The following KDM4C variants were observed in gnomAD, a reference collection of about 807,000 sequenced individuals.
KDM4C encodes lysine-specific demethylase 4C.
KDM4C carries 81 observed loss-of-function variants against 129.3 expected under a neutral mutation model. The ratio of observed to expected loss-of-function variants is 0.63; its 90% CI spans 0.52 to 0.75. The LOEUF is 0.75. Among genes scored for constraint, KDM4C ranks in the 30% least tolerant of loss-of-function variants. The pLI is 0.00. For missense variants in KDM4C, 1,457 were observed against 1,304.0 expected, an observed-to-expected ratio of 1.12 and a Z score of -1.81; for synonymous variants, 573 against 456.1, an observed-to-expected ratio of 1.26 and a Z score of -3.26.
chr9:7,136,929 T>C (rs1841270909), intron 19 of KDM4C, among the ~76,000 whole-genome samples: 1 of 152,224 alleles, frequency 6.6e-6, no homozygotes, highest in Non-Finnish European at 1.5e-5. Flanking sequence ...TCCTCAGAGC[T>C]CTAGCAAGCA....
chr9:6,932,135 G>C (rs1823864596), intron 8 of KDM4C, among the ~76,000 whole-genome samples: 1 of 152,192 alleles, frequency 6.6e-6, no homozygotes, highest in Admixed American at 6.5e-5. Flanking sequence ...TGATTAGAAT[G>C]TCATCAGGCA....
rs1347600701 is a variant in KDM4C at position 6,729,279 on chromosome 9, G to T, written c.49+8282G>T. On this transcript the variant is annotated intron_variant, in intron 1 of 17. Coordinates refer to the KDM4C transcript ENST00000536108. The stretch of plus-strand genomic sequence containing the variant: ...AACAGGGCCAGACGTTGTGGCTTAT[G>T]CCTGCAATCCCAGTACTTTGGGAGG... Among the ~76,000 whole-genome samples the T allele has an allele frequency of 1.9e-4, 24 of 129,038 alleles. 3 individuals carry two copies. The highest frequency in any genetic ancestry group is 8.1e-4 in the African/African-American group (24 of 29,620). The allele number at this position is 129,038 out of a possible 152,430, so 84.7% of individuals were successfully genotyped here. A position where few individuals can be genotyped will look rare whatever the true frequency, so the allele number is the denominator to read the frequency against.
At position 6,758,392 on chromosome 9, in the gene KDM4C, G is replaced by T. The variant is rs1243728171; in HGVS notation, c.-18+189G>T. Among the ~76,000 whole-genome samples the T allele has an allele frequency of 6.6e-6, 1 of 152,138 alleles. No individual in the cohort carries two copies. Among genetic ancestry groups the T allele is most frequent in the Non-Finnish European group, 1.5e-5 (1 of 67,986 alleles). ...GGGGAGGGAGCGGCCGGCCGCGGCC[G>T]CAGGGGAGGGATGCGGGGGCCGGTG... On this transcript the variant is annotated intron_variant, in intron 1 of 21. Transcript: ENST00000381309. The surrounding 1 kb of genome is among the most constrained non-coding windows in gnomAD (Gnocchi z 4.6).
chr9:6,756,665 C>T (rs942651690), upstream of KDM4C, among the ~76,000 whole-genome samples: 7 of 152,134 alleles, frequency 4.6e-5, no homozygotes, highest in African/African-American at 1.7e-4. Flanking sequence ...TGCAGTAAGC[C>T]GAGATAGCGC....
intron 19 of KDM4C, among the ~76,000 whole-genome samples, chr9:7,158,443 G>A (rs559037146): frequency 3.3e-5 from 5 of 151,898 alleles, no homozygotes; most frequent in African/African-American, 1.2e-4. Flanking sequence ...TTAGGGTGTC[G>A]ATTTTTAGAT....
intron 1 of KDM4C, among the ~76,000 whole-genome samples, chr9:6,761,970 T>C (rs1164409009): frequency 6.6e-6 from 1 of 151,818 alleles, no homozygotes; most frequent in Admixed American, 6.6e-5. Flanking sequence ...CTAATTTTTT[T>C]CGTATTTTTA....
intron 17 of KDM4C, among the ~76,000 whole-genome samples, chr9:7,082,819 T>G (rs550117466): frequency 1.3e-5 from 2 of 152,212 alleles, no homozygotes; most frequent in African/African-American, 4.8e-5. Context: ...AAGGGACTTA[T>G]GCCTTTTGTT....
Position 6,981,089 on chromosome 9 carries a change from G to C in KDM4C, c.1086G>C (p.Arg362Ser), listed in dbSNP as rs754577683. 1 of 1,612,482 alleles carries C rather than the reference G, an allele frequency of 6.2e-7. No homozygotes were observed. Among genetic ancestry groups the C allele is most frequent in the East Asian group, 2.2e-5 (1 of 44,850 alleles). The change falls in exon 9 of 22, where the codon AGG becomes AGC. Residue 362 changes from arginine (R) to serine (S), a missense_variant. Transcript: ENST00000381309. ...STPEVKAWLQ[R>S]RRKVRKASRS... is the part of the protein sequence containing the mutation. ...CTGAAGTAAAAGCATGGCTGCAGAG[G>C]AGGAGGAAAGTAAGAAAAGCATCCC... is the stretch of plus-strand genomic sequence containing the variant.
chr9:6,860,153 T>C (rs1297763438), intron 5 of KDM4C, among the ~76,000 whole-genome samples: 1 of 152,120 alleles, frequency 6.6e-6, no homozygotes, highest in African/African-American at 2.4e-5. Flanking sequence ...AGGGCTGTAA[T>C]GTGGCTAGAT....
chr9:7,153,962 G>A lies in KDM4C; in HGVS notation c.2782-11276G>A, dbSNP rs114043901. Among the ~76,000 whole-genome samples the A allele has an allele frequency of 6.3e-3, 955 of 152,280 alleles. 13 individuals carry two copies. Among genetic ancestry groups the A allele is most frequent in the African/African-American group, 0.022 (907 of 41,542 alleles). ...TGTGGGTGCTGCTGCTGCTGCTGCT[G>A]TCTGAGAGAATTCTCTCTTCTACTT... On this transcript the variant is annotated intron_variant, in intron 19 of 21. Coordinates refer to ENST00000381309, the MANE Select transcript of KDM4C (RefSeq NM_015061.6).
chr9:7,122,257 A>ACT (rs1177380751), intron 18 of KDM4C, among the ~76,000 whole-genome samples: 4,713 of 105,770 alleles, frequency 0.045, 280 homozygotes, highest in East Asian at 0.27. Flanking sequence ...ACACACACAC[A>ACT]CACACACACT....
chr9:6,962,178 C>T (rs548512252), intron 8 of KDM4C, among the ~76,000 whole-genome samples: 1 of 152,216 alleles, frequency 6.6e-6, no homozygotes, highest in South Asian at 2.1e-4. Flanking sequence ...CATGTATGTA[C>T]ACATTTAAAT....
chr9:7,017,479 A>G lies in KDM4C; in HGVS notation c.2259+1550A>G, dbSNP rs75956660. ...TCCTGCAGATTTTTTTGGGGGCAGAAGAAAATAATAATAATAATAATGTTA... is the reference window on the plus strand; with the variant it reads ...TCCTGCAGATTTTTTTGGGGGCAGAGGAAAATAATAATAATAATAATGTTA... On this transcript the variant is annotated intron_variant, in intron 15 of 21. Transcript: ENST00000381309. Among the ~76,000 whole-genome samples the G allele has an allele frequency of 6.2e-3, 949 of 152,256 alleles. 12 individuals are homozygous for G. The highest frequency in any genetic ancestry group is 0.034 in the Middle Eastern group (10 of 294).
Position 6,939,991 on chromosome 9 carries a change from T to TTCCC in KDM4C, c.922-40931_922-40930insCTCC, listed in dbSNP as rs1173570717. Among the ~76,000 whole-genome samples the TTCCC allele has an allele frequency of 1.5e-4, 17 of 113,510 alleles. 1 individual carries two copies. The East Asian group carries it at 3.8e-3, about 25-fold the overall frequency. 74.5% of individuals were successfully genotyped at this position (113,510 alleles called of 152,430 possible). ...CTACCTACCTACCTTCCTTCCTTCC[T>TTCCC]TCCTTCCTTCCTTCCTTCCTTCCTT... On this transcript the variant is annotated intron_variant, in intron 8 of 21. Transcript: ENST00000381309.
At chr9:6,995,112 A>G (rs1402648078) in intron 12 of KDM4C, among the ~76,000 whole-genome samples, 1 of 150,608 alleles carries the variant, frequency 6.6e-6, no homozygotes, top group African/African-American at 2.4e-5. Flanking sequence ...TCTTCAGCAC[A>G]TTAATTAGAG....
chr9:6,763,402 T>C lies in KDM4C; in HGVS notation c.-18+5199T>C, dbSNP rs940766527. Among the ~76,000 whole-genome samples the C allele has an allele frequency of 3.9e-5, 6 of 152,188 alleles. No homozygotes were observed. In the East Asian group the frequency reaches 1.2e-3, roughly 29 times the overall value. ...GTTGTCAACTTCTTCAAGTTAGTGTTCTCTCAATCCTGCACACTGGCCATA... is the reference window on the plus strand; with the variant it reads ...GTTGTCAACTTCTTCAAGTTAGTGTCCTCTCAATCCTGCACACTGGCCATA... On this transcript the variant is annotated intron_variant, in intron 1 of 21. Transcript: ENST00000381309.
At chr9:7,093,981 G>A (rs1426690229) in intron 17 of KDM4C, among the ~76,000 whole-genome samples, 1 of 152,122 alleles carries the variant, frequency 6.6e-6, no homozygotes, top group Non-Finnish European at 1.5e-5. Context: ...AAGGATAAGG[G>A]TAGCATTATT....
At chr9:6,878,380 A>G (rs866926486) in intron 5 of KDM4C, among the ~76,000 whole-genome samples, 2 of 152,184 alleles carry the variant, frequency 1.3e-5, no homozygotes, top group South Asian at 4.1e-4. Flanking sequence ...CTAAAAGAAG[A>G]AAAGTAGAAC....
At chr9:6,830,116 C>G (rs1834571800) in intron 4 of KDM4C, among the ~76,000 whole-genome samples, 1 of 152,018 alleles carries the variant, frequency 6.6e-6, no homozygotes, top group Non-Finnish European at 1.5e-5. Context: ...TGTAAAACAA[C>G]TTACATGTTA....
Sources: gnomAD v4.1 joint callset for allele counts (sites outside exome capture counted in the v4.1 genomes callset) on GRCh38, gnomAD v4.1.1 for gene constraint, Gnocchi (gnomAD v3.1) non-coding constraint, MANE v1.5 for transcripts, NCBI Gene and HGNC (gene_info 2026-07-23, HGNC 2026-07-21) for gene names.